Variants in CNTNAP2 observed in about 807,000 individuals in gnomAD.
CNTNAP2 encodes the protein contactin associated protein 2.
CNTNAP2 carries 98 observed loss-of-function variants against 155.2 expected under a neutral mutation model. The ratio of observed to expected loss-of-function variants is 0.63; its 90% confidence interval spans 0.54 to 0.75. CNTNAP2 has a LOEUF of 0.75. Ranked by LOEUF, CNTNAP2 falls within the 30% of genes least tolerant of loss-of-function variation. The pLI, the probability that CNTNAP2 is intolerant of heterozygous loss-of-function variation, is 0.00. For synonymous variants in CNTNAP2, 651 were observed against 631.2 expected (o/e 1.03, Z -0.47); for missense variants, 1,727 against 1,688.1 (o/e 1.02, Z -0.40).
chr7:146,318,609 C>T (rs900239168), intron 1 of CNTNAP2, among the ~76,000 whole-genome samples: 39 of 152,096 alleles, frequency 2.6e-4, no homozygotes, highest in African/African-American at 8.7e-4. Context: ...GGAAAACACA[C>T]ACCTTAAGCA....
At chr7:147,344,823 T>C (rs1344396244) in intron 9 of CNTNAP2, among the ~76,000 whole-genome samples, 1 of 152,148 alleles carries the variant, frequency 6.6e-6, no homozygotes, top group Non-Finnish European at 1.5e-5. Flanking sequence ...ATCAAAATAT[T>C]TCACATATCA....
At chr7:147,143,528 C>A (rs1801641978) in intron 8 of CNTNAP2, among the ~76,000 whole-genome samples, 1 of 152,086 alleles carries the variant, frequency 6.6e-6, no homozygotes, top group African/African-American at 2.4e-5. Context: ...GAGTTTAGCA[C>A]AATGTCTTAC....
intron 9 of CNTNAP2, among the ~76,000 whole-genome samples, chr7:147,306,049 TTA>T (rs1361439667): frequency 3.3e-5 from 5 of 152,184 alleles, no homozygotes; most frequent in Non-Finnish European, 2.9e-5. Flanking sequence ...ATCCTAATCA[TTA>T]TCACCTCATC....
chr7:147,983,017 CAA>C lies in CNTNAP2; in HGVS notation c.2383+5046_2383+5047del, dbSNP rs35946958. Among the ~76,000 whole-genome samples the C allele has an allele frequency of 1.3e-3, 106 of 80,866 alleles. 1 individual carries two copies. Among genetic ancestry groups the C allele is most frequent in the African/African-American group, 4.9e-3 (96 of 19,788 alleles). The allele number at this position is 80,866 out of a possible 152,430, so 53.1% of individuals were successfully genotyped here. ...TGGGTGACAGTGTGAGACTCCACCTCAAAAAAAAAAAAAAAAAAAGCAAAAAC... is the reference window on the plus strand; with the variant it reads ...TGGGTGACAGTGTGAGACTCCACCTCAAAAAAAAAAAAAAAAAGCAAAAAC... On this transcript the variant is annotated intron_variant, in intron 15 of 23. Coordinates refer to ENST00000361727, the MANE Select transcript of CNTNAP2 (RefSeq NM_014141.6).
intron 1 of CNTNAP2, among the ~76,000 whole-genome samples, chr7:146,529,881 C>T (rs1797743410): frequency 6.6e-6 from 1 of 152,070 alleles, no homozygotes; most frequent in African/African-American, 2.4e-5. Flanking sequence ...AGGAGAATTT[C>T]TTGAACCCAG....
intron 1 of CNTNAP2, among the ~76,000 whole-genome samples, chr7:146,143,023 C>T (rs982522890): frequency 6.6e-6 from 1 of 151,998 alleles, no homozygotes; most frequent in Non-Finnish European, 1.5e-5. Context: ...AAAATCAAGC[C>T]TCTCAAATGA....
At chr7:147,161,826 A>AT (rs1802031215) in intron 8 of CNTNAP2, 1 of 152,184 alleles carries the variant, frequency 6.6e-6, no homozygotes, top group Non-Finnish European at 1.5e-5. Flanking sequence ...AGTTTATGTG[A>AT]TGAGCATTCA....
intron 10 of CNTNAP2, among the ~76,000 whole-genome samples, chr7:147,466,541 A>G (rs1347768336): frequency 6.6e-6 from 1 of 152,186 alleles, no homozygotes; most frequent in Non-Finnish European, 1.5e-5. Flanking sequence ...CAGGAAAAGT[A>G]CAGAGAAAAT....
chr7:146,824,005 T>C (rs1333657715), intron 2 of CNTNAP2, among the ~76,000 whole-genome samples: 1 of 152,090 alleles, frequency 6.6e-6, no homozygotes, highest in Non-Finnish European at 1.5e-5. Context: ...CCACATGCAT[T>C]AGGTATTTCT....
intron 3 of CNTNAP2, among the ~76,000 whole-genome samples, chr7:146,856,293 G>GATACATACATACATACATAC (rs1212011580): frequency 3.2e-5 from 2 of 63,056 alleles, no homozygotes; most frequent in African/African-American, 1.0e-4. Flanking sequence ...TAGATAGATA[G>GATACATACATACATACATAC]ATAGATACAT....
chr7:147,918,520 T>C (rs922380318), intron 14 of CNTNAP2, among the ~76,000 whole-genome samples: 4 of 152,218 alleles, frequency 2.6e-5, no homozygotes, highest in African/African-American at 9.6e-5. Flanking sequence ...ACATAGACAC[T>C]GACACGTGTA....
At chr7:147,249,244 T>C (rs1183385414) in intron 8 of CNTNAP2, among the ~76,000 whole-genome samples, 1 of 152,144 alleles carries the variant, frequency 6.6e-6, no homozygotes, top group Non-Finnish European at 1.5e-5. Context: ...AATAGCTTGT[T>C]TTATGCCTGT....
chr7:148,353,206 A>AT lies in CNTNAP2; in HGVS notation c.3476-30442dup, dbSNP rs1219852373. ...AAGGTAATTTGTGGTTCCTCTGAGA[A>AT]TGCCCACTGAAGTGTTCCCCCTCAG... On this transcript the variant is annotated intron_variant, in intron 21 of 23. Coordinates refer to ENST00000361727, the MANE Select transcript of CNTNAP2 (RefSeq NM_014141.6). 2.6e-5 allele frequency among the ~76,000 whole-genome samples: 4 copies of AT among 152,330 alleles called. 1 individual carries two copies. Among genetic ancestry groups the AT allele is most frequent in the Admixed American group, 6.5e-5 (1 of 15,302 alleles).
At chr7:147,109,307 T>C (rs1331687056) in intron 5 of CNTNAP2, among the ~76,000 whole-genome samples, 2 of 152,112 alleles carry the variant, frequency 1.3e-5, no homozygotes, top group East Asian at 3.9e-4. Flanking sequence ...ATGGGTTGGA[T>C]ATAGCCTAAG....
chr7:147,892,948 A>G (rs922635241), intron 13 of CNTNAP2, among the ~76,000 whole-genome samples: 7 of 152,172 alleles, frequency 4.6e-5, no homozygotes, highest in Non-Finnish European at 8.8e-5. Flanking sequence ...CAATCACAGA[A>G]AGATAAAATG....
intron 15 of CNTNAP2, among the ~76,000 whole-genome samples, chr7:148,015,476 G>T (rs139948156): frequency 1.3e-5 from 2 of 152,160 alleles, no homozygotes; most frequent in East Asian, 3.9e-4. Flanking sequence ...GGCGGGCATC[G>T]GCGAGACCCA....
At chr7:147,866,750 GT>G (rs138084282) in intron 13 of CNTNAP2, among the ~76,000 whole-genome samples, 2 of 148,020 alleles carry the variant, frequency 1.4e-5, no homozygotes, top group Non-Finnish European at 3.0e-5. Flanking sequence ...TGCAACCCCT[GT>G]TTTTTTTTTG....
intron 8 of CNTNAP2, among the ~76,000 whole-genome samples, chr7:147,277,129 C>G (rs1216877552): frequency 6.6e-6 from 1 of 151,956 alleles, no homozygotes; most frequent in Non-Finnish European, 1.5e-5. Flanking sequence ...TCCGTTGTTC[C>G]TGTGAGTGAA....
intron 14 of CNTNAP2, among the ~76,000 whole-genome samples, chr7:147,959,334 TG>T (rs1801076754): frequency 6.6e-6 from 1 of 152,030 alleles, no homozygotes; most frequent in African/African-American, 2.4e-5. Context: ...AGATGTGGGT[TG>T]TCCAATGCTC....
Sources: allele counts gnomAD v4.1 joint callset (sites outside exome capture counted in the v4.1 genomes callset), GRCh38; gene constraint gnomAD v4.1.1; transcripts MANE v1.5; gene names NCBI Gene and HGNC (gene_info 2026-07-23, HGNC 2026-07-21).